Variants in SPG7 observed in about 807,000 individuals in gnomAD.
SPG7 encodes the protein SPG7 matrix AAA peptidase subunit, paraplegin, also known as mitochondrial inner membrane m-AAA protease component paraplegin.
A neutral mutation model predicts 81.9 loss-of-function variants in SPG7; 103 were observed. The observed-to-expected ratio is 1.26, with a 90% CI of 1.07 to 1.48. The LOEUF is 1.48. SPG7 is among the 40% of genes most tolerant of loss of function. SPG7 has a pLI of 0.00. For synonymous variants in SPG7, 534 were observed against 444.2 expected (o/e 1.20, Z -2.54); for missense variants, 1,241 against 1,087.3 (o/e 1.14, Z -1.99).
At chr16:89,521,267 G>C (rs927292469) in intron 3 of SPG7, 1 of 152,288 alleles carries the variant, frequency 6.6e-6, no homozygotes, top group Non-Finnish European at 1.5e-5. Flanking sequence ...CCCGAGGGCT[G>C]TGTGGCCTCA....
At chr16:89,541,109 G>T (rs1428822037) in intron 9 of SPG7, 7 of 982,722 alleles carry the variant, frequency 7.1e-6, no homozygotes, top group Admixed American at 1.3e-4. Flanking sequence ...CGCAGAAATA[G>T]AAGAGCTGAA....
chr16:89,526,593 G>C, intron 5 of SPG7, 125 bp downstream of exon 5: 1 of 997,234 alleles, frequency 1.0e-6, no homozygotes, highest in Non-Finnish European at 1.6e-6. Context: ...TTTAGTGGGA[G>C]GGTTAAATAA....
At chr16:89,545,160 TCA>T in intron 10 of SPG7, 1 of 350,368 alleles carries the variant, frequency 2.9e-6, no homozygotes, top group Non-Finnish European at 5.6e-6. Context: ...TTGTGTGGCA[TCA>T]CTTCCTTCCA....
Position 89,556,880 on chromosome 16 carries a change from T to C in SPG7, c.2182-7T>C. ...GACTCACACACTGCTATGCCTGTTCTTTCTAGCTGGCAAACGCCCTTCTGG... is the reference window on the plus strand; with the variant it reads ...GACTCACACACTGCTATGCCTGTTCCTTCTAGCTGGCAAACGCCCTTCTGG... On this transcript the variant is annotated splice_region_variant and splice_polypyrimidine_tract_variant and intron_variant, in intron 16 of 16. Coordinates refer to ENST00000645818, the MANE Select transcript of SPG7 (RefSeq NM_003119.4). The C allele has an allele frequency of 3.1e-6, 5 of 1,611,880 alleles. No individual in the cohort carries two copies. The highest frequency in any genetic ancestry group is 4.2e-6 in the Non-Finnish European group (5 of 1,178,088).
intron 13 of SPG7, chr16:89,552,629 A>G (rs1303949815): frequency 2.8e-6 from 1 of 360,220 alleles, no homozygotes; most frequent in East Asian, 7.0e-5. Context: ...CTGAACCCTC[A>G]GTAGCTGTCG....
Position 89,524,021 on chromosome 16 carries a change from G to A in SPG7, c.392G>A (p.Arg131His), listed in dbSNP as rs985921704. The change falls in exon 4 of 17, where the codon CGT becomes CAT. Residue 131 changes from arginine (R) to histidine (H), a missense_variant. Physicochemically the swap from Arg to His is conservative, Grantham distance 29. Coordinates refer to ENST00000645818, the MANE Select transcript of SPG7 (RefSeq NM_003119.4). ...PEEDEEERRRRERDDQMYRER... is the reference protein window; with the variant it reads ...PEEDEEERRRHERDDQMYRER... ...GCCGGCTCAGAGGAGAGGAGACGCC[G>A]TGAGCGGGACGACCAGATGTACCGA... 14 of 1,612,822 alleles carry A rather than the reference G, an allele frequency of 8.7e-6. No homozygotes were observed. Among genetic ancestry groups the A allele is most frequent in the African/African-American group, 2.7e-5 (2 of 74,926 alleles).
intron 9 of SPG7, among the ~76,000 whole-genome samples, chr16:89,535,176 G>C (rs578261520): frequency 1.3e-5 from 2 of 152,196 alleles, no homozygotes; most frequent in African/African-American, 4.8e-5. Flanking sequence ...GTGCCTTGAG[G>C]TTTACAGTGT....
At chr16:89,554,760 C>T (rs972541340) in intron 16 of SPG7, 197 bp downstream of exon 16, 22 of 586,804 alleles carry the variant, frequency 3.7e-5, no homozygotes, top group Non-Finnish European at 5.9e-5. Context: ...GTGTGTTCCC[C>T]CGAGGTAGAA....
chr16:89,540,604 A>T (rs2058481887), intron 9 of SPG7: 1 of 153,116 alleles, frequency 6.5e-6, no homozygotes, highest in African/African-American at 2.4e-5. Context: ...AACAAAACTC[A>T]AAAAACAGTG....
intron 9 of SPG7, chr16:89,537,218 G>A: frequency 1.4e-6 from 2 of 1,426,770 alleles, no homozygotes; most frequent in East Asian, 2.5e-5. Flanking sequence ...TCTCACTGGG[G>A]AAGAGAAAAG....
intron 11 of SPG7, chr16:89,547,068 G>A (rs1350874051): frequency 2.6e-6 from 1 of 386,776 alleles, no homozygotes; most frequent in Non-Finnish European, 5.0e-6. Context: ...TTTCCCGTCA[G>A]ACCCAGAGTC....
intron 3 of SPG7, chr16:89,522,783 C>A (rs2058206647): frequency 6.6e-6 from 1 of 152,594 alleles, no homozygotes; most frequent in Admixed American, 6.5e-5. Flanking sequence ...GACTACTCCC[C>A]ACCTGGGCCC....
chr16:89,551,575 C>T (rs1188239703), intron 13 of SPG7: 5 of 152,100 alleles, frequency 3.3e-5, no homozygotes, highest in Non-Finnish European at 7.3e-5. Flanking sequence ...TTATGGGACA[C>T]TAAAAAACTC....
rs138457270 is a variant in SPG7, at chr16:89,556,923, T to C, written c.2218T>C (p.Tyr740His). 3 of 1,613,924 alleles carry C rather than the reference T, an allele frequency of 1.9e-6. No individual in the cohort carries two copies. Among genetic ancestry groups the C allele is most frequent in the African/African-American group, 2.7e-5 (2 of 74,910 alleles). Residue 740 changes from tyrosine to histidine, a missense_variant, in exon 17 of 17, where the codon TAT becomes CAT. Physicochemically the swap from Tyr to His is moderately conservative, Grantham distance 83. Coordinates refer to ENST00000645818, the MANE Select transcript of SPG7 (RefSeq NM_003119.4). The stretch of plus-strand genomic sequence containing the variant: ...CCTTCTGGAAAAGGAAGTGATAAAC[T>C]ATGAGGACATTGAGGCTCTCATTGG... Reference protein sequence around the residue: ...NALLEKEVINYEDIEALIGPP... With the variant: ...NALLEKEVINHEDIEALIGPP...
At chr16:89,508,787 G>T (rs2057968785) in intron 1 of SPG7, 187 bp downstream of exon 1, 1 of 743,096 alleles carries the variant, frequency 1.3e-6, no homozygotes, top group East Asian at 2.7e-5. Flanking sequence ...GTGGGCGCTG[G>T]GCGGGCCGGG....
chr16:89,535,869 GGCC>G, intron 9 of SPG7, among the ~76,000 whole-genome samples: 1 of 145,470 alleles, frequency 6.9e-6, no homozygotes, highest in African/African-American at 2.5e-5. Flanking sequence ...GGTGCTGTGT[GGCC>G]TTCACTGTGG....
rs923197967 is a variant in SPG7, at chr16:89,508,454, C to T, written c.37C>T (p.Arg13Trp). The change falls in exon 1 of 17, where the codon CGG becomes TGG. Residue 13 changes from arginine (R) to tryptophan (W), a missense_variant. Physicochemically the swap from Arg to Trp is moderately radical, Grantham distance 101. Coordinates refer to ENST00000645818, the MANE Select transcript of SPG7 (RefSeq NM_003119.4). ...GCTGCTGCTGCTCCGTGCCCTCCGC[C>T]GGGGTCCAGGCCCGGGTCCTCGGCC... is the stretch of plus-strand genomic sequence containing the variant. ...VLLLLLRALR[R>W]GPGPGPRPLW... 31 of 1,504,278 alleles carry T rather than the reference C, an allele frequency of 2.1e-5. No individual in the cohort carries two copies. The highest frequency in any genetic ancestry group is 6.2e-5 in the Admixed American group (3 of 48,138). The allele number at this position is 1,504,278 out of a possible 1,614,324, so 93.2% of individuals were successfully genotyped here.
rs1019282033 is a variant in SPG7 at position 89,546,394 on chromosome 16, G to A, written c.1450-264G>A. 2.6e-5 allele frequency: 11 copies of A among 430,482 alleles called. No homozygotes were observed. The East Asian group carries it at 5.5e-4, about 22-fold the overall frequency. 26.7% of individuals were successfully genotyped at this position (430,482 alleles called of 1,614,324 possible). A position where few individuals can be genotyped will look rare whatever the true frequency, so the allele number is the denominator to read the frequency against. ...TCTGTTCGTGTTTAAAATGCTGCTTGTGGCCAGGCATGGTGGCTCACGCCT... is the reference window on the plus strand; with the variant it reads ...TCTGTTCGTGTTTAAAATGCTGCTTATGGCCAGGCATGGTGGCTCACGCCT... On this transcript the variant is annotated intron_variant, in intron 10 of 16. Transcript: ENST00000645818.
intron 5 of SPG7, chr16:89,526,817 G>GTGAAGTCTCAGCCCCCGACGTAGGATGC (rs2152400655): frequency 3.4e-6 from 1 of 290,152 alleles, no homozygotes; most frequent in South Asian, 2.8e-5. Flanking sequence ...ACGTAGGATG[G>GTGAAGTCTCAGCCCCCGACGTAGGATGC]CGAAGTCTCA....
Sources: gnomAD v4.1 joint callset for allele counts (sites outside exome capture counted in the v4.1 genomes callset) on GRCh38, gnomAD v4.1.1 for gene constraint, MANE v1.5 for transcripts, NCBI Gene and HGNC (gene_info 2026-07-23, HGNC 2026-07-21) for gene names.